The following TOP2B variants were observed in gnomAD, a reference collection of about 807,000 sequenced individuals.
TOP2B encodes the protein DNA topoisomerase 2-beta.
A neutral mutation model predicts 193.5 loss-of-function variants in TOP2B; 51 were observed. The ratio of observed to expected loss-of-function variants is 0.26; its 90% CI spans 0.21 to 0.33. TOP2B has a LOEUF of 0.33. Among genes scored for constraint, TOP2B ranks in the 10% least tolerant of loss-of-function variants. The probability of loss-of-function intolerance (pLI) is 1.00; values close to 1 mark genes in which losing one functional copy is unlikely to be tolerated. For synonymous variants in TOP2B, 634 were observed against 635.7 expected, an observed-to-expected ratio of 1.00 and a Z score of 0.04; for missense variants, 1,378 against 1,909.3, an observed-to-expected ratio of 0.72 and a Z score of 5.19.
At chr3:25,610,894 G>C (rs951408220) in intron 28 of TOP2B, among the ~76,000 whole-genome samples, 3 of 152,142 alleles carry the variant, frequency 2.0e-5, no homozygotes, top group Admixed American at 6.5e-5. Flanking sequence ...CCAAGATAAG[G>C]GGGTGGATTT....
intron 1 of TOP2B, among the ~76,000 whole-genome samples, chr3:25,657,812 A>G (rs1184574928): frequency 1.3e-5 from 2 of 152,244 alleles, no homozygotes; most frequent in Non-Finnish European, 2.9e-5. Context: ...CTGTAATCCC[A>G]GCACTTTGGA....
intron 4 of TOP2B, among the ~76,000 whole-genome samples, chr3:25,640,570 G>C (rs1369338359): frequency 6.6e-6 from 1 of 151,896 alleles, no homozygotes; most frequent in Non-Finnish European, 1.5e-5. Flanking sequence ...TCCCTCTTCT[G>C]CCTACACAAA....
At chr3:25,646,546 T>C (rs958945363) in intron 1 of TOP2B, among the ~76,000 whole-genome samples, 15 of 152,304 alleles carry the variant, frequency 9.8e-5, no homozygotes, top group Middle Eastern at 3.4e-3. Flanking sequence ...TGCTGACAAA[T>C]ATGACATCCC....
intron 22 of TOP2B, among the ~76,000 whole-genome samples, 197 bp from the exon 23 acceptor site, chr3:25,620,259 T>C (rs907629168): frequency 4.6e-5 from 7 of 151,580 alleles, no homozygotes; most frequent in South Asian, 2.1e-4. Context: ...TAAGAAGTAA[T>C]GGTGCTGACC....
At chr3:25,598,739 A>AAATT (rs1197640897) in intron 35 of TOP2B, among the ~76,000 whole-genome samples, 2 of 152,212 alleles carry the variant, frequency 1.3e-5, no homozygotes, top group African/African-American at 4.8e-5. Flanking sequence ...TTTATTTCTG[A>AAATT]AATTATATAT....
Position 25,598,279 on chromosome 3 carries a change from T to A in TOP2B, c.*28A>T, listed in dbSNP as rs749557667. On this transcript the variant is annotated 3_prime_UTR_variant, in exon 36 of 36. Coordinates refer to ENST00000264331, the MANE Select transcript of TOP2B (RefSeq NM_001330700.2). ...ACAAAAGGACAACACAAGATATTTG[T>A]TGAAAAATGTTTGTGCTCTTTGGGC... 2 of 1,579,336 alleles carry A rather than the reference T, an allele frequency of 1.3e-6. No individual in the cohort carries two copies. The highest frequency in any genetic ancestry group is 3.5e-5 in the Admixed American group (2 of 56,892).
At chr3:25,610,978 T>C (rs1702354961) in intron 28 of TOP2B, among the ~76,000 whole-genome samples, 1 of 152,346 alleles carries the variant, frequency 6.6e-6, no homozygotes, top group East Asian at 1.9e-4. Context: ...TTTTGGCTTA[T>C]ATCATTGATG....
rs773366637 is a variant in TOP2B, at chr3:25,609,616, C to A, written c.3883G>T (p.Val1295Phe). ...GAGEEALTPSVPINKGPKPKR... is the reference protein window; with the variant it reads ...GAGEEALTPSFPINKGPKPKR... ...GGTTTGGGACCTTTATTTATAGGAA[C>A]TGATGGAGTCAATGCCTCTTCTCCT... The change falls in exon 29 of 36, where the codon GTT (valine) becomes TTT (phenylalanine). Residue 1295 changes from valine to phenylalanine, a missense_variant. Val to Phe is a conservative substitution (Grantham distance 50). Around this residue, in one of 9 missense-constraint regions of TOP2B, gnomAD observed 556 missense variants for 584.2 expected, o/e 0.95. Coordinates refer to ENST00000264331, the MANE Select transcript of TOP2B (RefSeq NM_001330700.2). 6 of 1,593,880 alleles carry A rather than the reference C, an allele frequency of 3.8e-6. No homozygotes were observed. The highest frequency in any genetic ancestry group is 4.3e-6 in the Non-Finnish European group (5 of 1,170,548).
intron 1 of TOP2B, among the ~76,000 whole-genome samples, chr3:25,652,234 T>G (rs565250925): frequency 1.3e-5 from 2 of 152,250 alleles, no homozygotes; most frequent in East Asian, 3.9e-4. Context: ...GTAGGAGACT[T>G]CACTAGCCCA....
chr3:25,621,560 C>T (rs1278337996), intron 21 of TOP2B, among the ~76,000 whole-genome samples: 1 of 151,976 alleles, frequency 6.6e-6, no homozygotes, highest in East Asian at 2.0e-4. Context: ...AGGGTTTTGC[C>T]ATGTTGCCCA....
intron 27 of TOP2B, among the ~76,000 whole-genome samples, 170 bp downstream of exon 27, chr3:25,615,035 T>C (rs760394737): frequency 6.6e-6 from 1 of 152,044 alleles, no homozygotes; most frequent in Non-Finnish European, 1.5e-5. Flanking sequence ...AATTCCTCCA[T>C]ACAAGAAGTT....
intron 25 of TOP2B, among the ~76,000 whole-genome samples, chr3:25,616,135 TGAGTTA>T (rs1702497429): frequency 6.6e-6 from 1 of 151,968 alleles, no homozygotes; most frequent in African/African-American, 2.4e-5. Context: ...TAAGAGTTGG[TGAGTTA>T]GAGTAAGAAT....
chr3:25,634,375 A>C (rs566603466), intron 7 of TOP2B, among the ~76,000 whole-genome samples: 2 of 152,204 alleles, frequency 1.3e-5, no homozygotes, highest in African/African-American at 4.8e-5. Context: ...ATCAGACAAC[A>C]AATTAATGGG....
chr3:25,647,627 AC>A (rs1230093321), intron 1 of TOP2B, among the ~76,000 whole-genome samples: 4 of 149,976 alleles, frequency 2.7e-5, no homozygotes, highest in Non-Finnish European at 5.9e-5. Context: ...AAAAAAAAAA[AC>A]AGGAGTAAAA....
At chr3:25,600,177 G>A (rs929979994) in intron 34 of TOP2B, among the ~76,000 whole-genome samples, 26 of 151,966 alleles carry the variant, frequency 1.7e-4, no homozygotes, top group African/African-American at 6.0e-4. Context: ...TCTCATCATT[G>A]GAGGTGGAAG....
rs1320861109 is a variant in TOP2B at position 25,664,425 on chromosome 3, C to G, written c.-128G>C. ...GCACTCCTAGCCGCGCCGACCCCCG[C>G]GCCCCATCGCGAAGATCCGGAGCGG... is the stretch of plus-strand genomic sequence containing the variant. On this transcript the variant is annotated 5_prime_UTR_variant, in exon 1 of 36. Coordinates refer to ENST00000264331, the MANE Select transcript of TOP2B (RefSeq NM_001330700.2). The G allele has an allele frequency of 2.4e-6, 3 of 1,268,440 alleles. No individual in the cohort carries two copies. The highest frequency in any genetic ancestry group is 3.0e-6 in the Non-Finnish European group (3 of 1,011,990). 78.6% of individuals were successfully genotyped at this position (1,268,440 alleles called of 1,614,324 possible).
intron 23 of TOP2B, among the ~76,000 whole-genome samples, chr3:25,619,072 A>G (rs1162654757): frequency 6.6e-6 from 1 of 152,196 alleles, no homozygotes; most frequent in Non-Finnish European, 1.5e-5. Context: ...TCTCACAACA[A>G]AAGTATTTAG....
chr3:25,603,691 G>A (rs1702166677), intron 33 of TOP2B, among the ~76,000 whole-genome samples: 1 of 152,226 alleles, frequency 6.6e-6, no homozygotes, highest in Non-Finnish European at 1.5e-5. Flanking sequence ...ATGAGACAAT[G>A]AAGAGAAGGC....
chr3:25,640,608 A>C (rs1703230407), intron 4 of TOP2B, among the ~76,000 whole-genome samples: 1 of 152,198 alleles, frequency 6.6e-6, no homozygotes. Flanking sequence ...AACAGAGTAT[A>C]AAATGAAGTG....
Sources: allele counts gnomAD v4.1 joint callset (sites outside exome capture counted in the v4.1 genomes callset), GRCh38; gene constraint gnomAD v4.1.1; regional missense constraint gnomAD v4.1.1; transcripts MANE v1.5; gene names NCBI Gene and HGNC (gene_info 2026-07-23, HGNC 2026-07-21).